Variants in LRP11 observed in about 807,000 individuals in gnomAD.
LRP11 encodes LDL receptor related protein 11.
In LRP11, 25 loss-of-function variants were observed where a neutral mutation model predicts 43.1. The ratio of observed to expected loss-of-function variants is 0.58; its 90% CI spans 0.42 to 0.81. The LOEUF is 0.81. Among genes scored for constraint, LRP11 ranks in the 30% least tolerant of loss-of-function variants. The pLI, the probability that LRP11 is intolerant of heterozygous loss-of-function variation, is 0.00. For synonymous variants in LRP11, 316 were observed against 299.4 expected, an observed-to-expected ratio of 1.06 and a Z score of -0.57; for missense variants, 623 against 665.1, an observed-to-expected ratio of 0.94 and a Z score of 0.70.
intron 2 of LRP11, among the ~76,000 whole-genome samples, chr6:149,849,757 T>C (rs564080638): frequency 1.3e-5 from 2 of 152,284 alleles, no homozygotes; most frequent in African/African-American, 4.8e-5. Flanking sequence ...AATAAACGAA[T>C]GAATGAGACA....
chr6:149,827,915 G>C lies in LRP11; in HGVS notation c.1253-1556C>G, dbSNP rs889705411. On this transcript the variant is annotated intron_variant, in intron 5 of 6. Transcript: ENST00000239367. The surrounding 1 kb of genome is among the most constrained non-coding windows in gnomAD (Gnocchi z 4.2). The stretch of plus-strand genomic sequence containing the variant: ...TGGGCGCCTGTAGTCCCAGCTGCTG[G>C]GGAGGCTGAGGCAGGAGAATGGCGT... Among the ~76,000 whole-genome samples, 1 of 152,008 alleles carries C rather than the reference G, an allele frequency of 6.6e-6. No homozygotes were observed. Among genetic ancestry groups the C allele is most frequent in the Admixed American group, 6.6e-5 (1 of 15,262 alleles).
rs1776339041 is a variant in LRP11 at position 149,826,323 on chromosome 6, CTT to C, written c.1287_1288del (p.Ser430LeufsTer4). ...ATCACCCTTTGACTCAAATATATAA[CTT>C]TCCTCTTTTCTGTTCTTCCCTGAGG... On this transcript the variant is annotated frameshift_variant, in exon 6 of 7. Coordinates refer to ENST00000239367, the MANE Select transcript of LRP11 (RefSeq NM_032832.6). LOFTEE classifies it high-confidence loss of function. 1.2e-6 allele frequency: 2 copies of C among 1,613,598 alleles called. No individual in the cohort carries two copies. The highest frequency in any genetic ancestry group is 3.3e-5 in the Admixed American group (2 of 60,000).
intron 3 of LRP11, among the ~76,000 whole-genome samples, chr6:149,837,872 T>C (rs1776494053): frequency 6.6e-6 from 1 of 152,192 alleles, no homozygotes; most frequent in Non-Finnish European, 1.5e-5. Flanking sequence ...TACCATCCCA[T>C]CCCCTGGATG....
intron 5 of LRP11, among the ~76,000 whole-genome samples, chr6:149,829,104 T>G (rs969361529): frequency 3.3e-5 from 5 of 152,070 alleles, no homozygotes; most frequent in Admixed American, 3.3e-4. Context: ...TAAAAACCAC[T>G]TGTGGCACTT....
Position 149,864,027 on chromosome 6 carries a change from G to T in LRP11, c.-7C>A, listed in dbSNP as rs1327482083. 3.8e-6 allele frequency: 5 copies of T among 1,330,824 alleles called. No individual in the cohort carries two copies. The East Asian group carries it at 1.6e-4, about 42-fold the overall frequency. The allele number at this position is 1,330,824 out of a possible 1,614,324, so 82.4% of individuals were successfully genotyped here. On this transcript the variant is annotated 5_prime_UTR_variant, in exon 1 of 7. Coordinates refer to ENST00000239367, the MANE Select transcript of LRP11 (RefSeq NM_032832.6). ...CCTGGGCGACGGAGGCCATGGCGAC[G>T]AGAGCCAAGGGCAGCGAGCCGAGGC...
At chr6:149,859,917 A>G (rs1023423065) in intron 1 of LRP11, among the ~76,000 whole-genome samples, 2 of 152,154 alleles carry the variant, frequency 1.3e-5, no homozygotes, top group African/African-American at 4.8e-5. Flanking sequence ...TTTAAAAAAA[A>G]TTTAATTCTT....
In LRP11 at chr6:149,837,875, C is replaced by T. The variant is rs575384176; in HGVS notation, c.914-412G>A. Among the ~76,000 whole-genome samples, 236 of 152,300 alleles carry T rather than the reference C, an allele frequency of 1.5e-3. 3 individuals are homozygous for T. Among genetic ancestry groups the T allele is most frequent in the Non-Finnish European group, 1.5e-3 (101 of 68,016 alleles). ...GAGGGCACCTAATACCATCCCATCC[C>T]CTGGATGGCAGTTGGCTATGTTTTA... On this transcript the variant is annotated intron_variant, in intron 3 of 6. Coordinates refer to ENST00000239367, the MANE Select transcript of LRP11 (RefSeq NM_032832.6).
rs201161525 is a variant in LRP11 at position 149,837,442 on chromosome 6, C to A, written c.935G>T (p.Arg312Leu). The change falls in exon 4 of 7, where the codon CGC becomes CTC. Residue 312 changes from arginine to leucine, a missense_variant. Coordinates refer to ENST00000239367, the MANE Select transcript of LRP11 (RefSeq NM_032832.6). ...STGGCLHTCS[R>L]YHFFCDDGCC... ...GCCATCGTCACAGAAGAAGTGGTAG[C>A]GTGAGCAAGTGTGCAAACATCCTAT... The A allele has an allele frequency of 1.7e-5, 27 of 1,613,918 alleles. No homozygotes were observed. Among genetic ancestry groups the A allele is most frequent in the Middle Eastern group, 1.6e-4 (1 of 6,080 alleles).
At chr6:149,834,826 G>A (rs939867449) in intron 5 of LRP11, among the ~76,000 whole-genome samples, 4 of 152,192 alleles carry the variant, frequency 2.6e-5, no homozygotes, top group Non-Finnish European at 5.9e-5. Context: ...TATTTTTATG[G>A]AGGCACTTAA....
chr6:149,846,781 A>T (rs1776638672), intron 2 of LRP11, among the ~76,000 whole-genome samples: 1 of 152,002 alleles, frequency 6.6e-6, no homozygotes, highest in Non-Finnish European at 1.5e-5. Flanking sequence ...TTTACTAAAA[A>T]TACAAAAATT....
Position 149,863,863 on chromosome 6 carries a change from G to C in LRP11, c.158C>G (p.Ser53Trp). Residue 53 changes from serine to tryptophan, a missense_variant, in exon 1 of 7, where the codon TCG becomes TGG. Physicochemically the swap from Ser to Trp is radical, Grantham distance 177. Transcript: ENST00000239367. ...APLSELHAQL[S>W]GVEQLLEEFR... Reference sequence around the variant, plus strand: ...CTCCTCCAGCAGCTGCTCCACGCCCGACAGCTGCGCGTGCAGTTCGGACAG... The same window carrying C: ...CTCCTCCAGCAGCTGCTCCACGCCCCACAGCTGCGCGTGCAGTTCGGACAG... 2.7e-6 allele frequency: 4 copies of C among 1,507,650 alleles called. No individual in the cohort carries two copies. Among genetic ancestry groups the C allele is most frequent in the Non-Finnish European group, 3.5e-6 (4 of 1,137,218 alleles). 93.4% of individuals were successfully genotyped at this position (1,507,650 alleles called of 1,614,324 possible). A position where few individuals can be genotyped will look rare whatever the true frequency, so the allele number is the denominator to read the frequency against.
chr6:149,863,220 C>T (rs1776957445), intron 1 of LRP11, among the ~76,000 whole-genome samples, 188 bp downstream of exon 1: 1 of 152,206 alleles, frequency 6.6e-6, no homozygotes, highest in Admixed American at 6.5e-5. Flanking sequence ...GTCACCGCGC[C>T]CGCCCGCCCG....
intron 6 of LRP11, among the ~76,000 whole-genome samples, chr6:149,825,503 C>T (rs1432290931): frequency 1.3e-5 from 2 of 152,134 alleles, no homozygotes; most frequent in African/African-American, 4.8e-5. Context: ...CCACACAGTG[C>T]ATTCAATGCT....
intron 5 of LRP11, among the ~76,000 whole-genome samples, chr6:149,831,652 G>A (rs1399784589): frequency 6.6e-6 from 1 of 152,174 alleles, no homozygotes; most frequent in Non-Finnish European, 1.5e-5. Context: ...CCAAAAGTGG[G>A]ACAATTGGGT....
intron 5 of LRP11, among the ~76,000 whole-genome samples, chr6:149,834,464 T>A (rs185440785): frequency 1.3e-5 from 2 of 152,294 alleles, no homozygotes; most frequent in East Asian, 3.9e-4. Context: ...TTCAGCTAAT[T>A]TGTTCATGCT....
At chr6:149,839,333 G>A (rs1034564885) in intron 3 of LRP11, among the ~76,000 whole-genome samples, 5 of 152,108 alleles carry the variant, frequency 3.3e-5, no homozygotes, top group South Asian at 2.1e-4. Context: ...AAGCTCCTGC[G>A]GAAGAAGAGG....
intron 2 of LRP11, among the ~76,000 whole-genome samples, chr6:149,846,543 C>T (rs1416075163): frequency 3.3e-5 from 5 of 152,106 alleles, no homozygotes; most frequent in Non-Finnish European, 7.4e-5. Context: ...AGGATTGATT[C>T]GGAGCAGAGA....
At chr6:149,858,278 A>C (rs1406268975) in intron 1 of LRP11, among the ~76,000 whole-genome samples, 1 of 152,074 alleles carries the variant, frequency 6.6e-6, no homozygotes, top group East Asian at 1.9e-4. Flanking sequence ...ACTCCCACTT[A>C]TGAGTGAGAA....
intron 1 of LRP11, among the ~76,000 whole-genome samples, chr6:149,856,190 T>A (rs1583096616): frequency 6.6e-6 from 1 of 152,224 alleles, no homozygotes; most frequent in Admixed American, 6.5e-5. Context: ...CATAATTTTT[T>A]AAAAACTCTC....
Sources: allele counts gnomAD v4.1 joint callset (sites outside exome capture counted in the v4.1 genomes callset), GRCh38; gene constraint gnomAD v4.1.1; non-coding constraint Gnocchi (gnomAD v3.1); transcripts MANE v1.5; gene names NCBI Gene and HGNC (gene_info 2026-07-23, HGNC 2026-07-21).